RIN1: variants seen among roughly 807,000 people sequenced by gnomAD.
RIN1 encodes ras inhibitor 1.
Under a neutral mutation model 64.9 loss-of-function variants are expected in RIN1, and 52 were observed. The observed-to-expected ratio is 0.80, with a 90% CI of 0.64 to 1.01. The LOEUF is 1.01. Among genes scored for constraint, RIN1 ranks in the 50% least tolerant of loss-of-function variants. The probability of loss-of-function intolerance (pLI) is 0.00; values close to 1 mark genes in which losing one functional copy is unlikely to be tolerated. For missense variants in RIN1, 1,040 were observed against 1,064.5 expected (o/e 0.98, Z 0.32); for synonymous variants, 486 against 483.6 (o/e 1.00, Z -0.06).
rs370951169 is a variant in RIN1 at position 66,334,479 on chromosome 11, G to C, written c.1285+35C>G. 14 of 1,588,416 alleles carry C rather than the reference G, an allele frequency of 8.8e-6. No homozygotes were observed. In the African/African-American group the frequency reaches 1.6e-4, roughly 18 times the overall value. ...TGGAGGGGAGCAGAGGGTCGGATGG[G>C]GCAGTGCTGGAGCTATGGAGAGACG... On this transcript the variant is annotated intron_variant, in intron 6 of 9. Transcript: ENST00000311320.
At chr11:66,333,760 A>T (rs1490295629) in intron 7 of RIN1, 102 bp from the exon 8 acceptor site, 1 of 1,481,612 alleles carries the variant, frequency 6.7e-7, no homozygotes, top group Non-Finnish European at 9.0e-7. Flanking sequence ...TTCAGAAAGG[A>T]TGCGCTCCTC....
rs1854859938 is a variant in RIN1, at chr11:66,335,442, T to A, written c.512A>T (p.His171Leu). 1 of 1,613,148 alleles carries A rather than the reference T, an allele frequency of 6.2e-7. No homozygotes were observed. The highest frequency in any genetic ancestry group is 1.1e-5 in the South Asian group (1 of 91,036). Residue 171 changes from histidine (H) to leucine (L), a missense_variant, in exon 5 of 10, where the codon CAC (histidine) becomes CTC (leucine). Coordinates refer to ENST00000311320, the MANE Select transcript of RIN1 (RefSeq NM_004292.3). ...ATGGGAGATGGCCTCCAGCTCTTTG[T>A]GAGTGGCTGCGTGGTGGATGGCTCT... ...LPRAIHHAAT[H>L]KELEAISHLG... is the part of the protein sequence containing the mutation.
Position 66,336,007 on chromosome 11 carries a change from G to T in RIN1, c.238C>A (p.Leu80Met). The change falls in exon 2 of 10, where the codon CTG becomes ATG. Residue 80 changes from leucine (L) to methionine (M), a missense_variant. By Grantham distance (15) the Leu-to-Met change is conservative. Transcript: ENST00000311320. ...LQLQANAAAA[L>M]HMLRTEPPGT... ...GGGGGCTCGGTCCTCAGCATGTGCAGTGCGGCCGCTGCGTTGGCTTGCAGC... is the reference window on the plus strand; with the variant it reads ...GGGGGCTCGGTCCTCAGCATGTGCATTGCGGCCGCTGCGTTGGCTTGCAGC... 1 of 1,471,246 alleles carries T rather than the reference G, an allele frequency of 6.8e-7. No individual in the cohort carries two copies. 91.1% of individuals were successfully genotyped at this position (1,471,246 alleles called of 1,614,324 possible).
At chr11:66,332,814 A>C in intron 9 of RIN1, 62 bp from the exon 10 acceptor site, 1 of 1,249,586 alleles carries the variant, frequency 8.0e-7, no homozygotes, top group Non-Finnish European at 1.1e-6. Flanking sequence ...CTGGCTCCAA[A>C]GCTGAGACAT....
In RIN1 at chr11:66,334,676, G is replaced by A. The variant is rs1180529588; in HGVS notation, c.1123C>T (p.Arg375Ter). The change falls in exon 6 of 10, where the codon CGA (arginine) becomes TGA (stop). Residue 375 changes from arginine (R) to a stop codon, truncating the protein, a stop_gained. Coordinates refer to ENST00000311320, the MANE Select transcript of RIN1 (RefSeq NM_004292.3). LOFTEE classifies it high-confidence loss of function. The part of the protein sequence containing the change: ...GRAAAALMQD[R>*]HTAAGQLVQD... The stretch of plus-strand genomic sequence containing the variant: ...ACCAGCTGGCCCGCGGCTGTGTGTC[G>A]GTCCTGCATCAGTGCTGCCGCAGCC... The A allele has an allele frequency of 3.1e-5, 48 of 1,556,292 alleles. No individual in the cohort carries two copies. Among genetic ancestry groups the A allele is most frequent in the Non-Finnish European group, 3.8e-5 (44 of 1,152,420 alleles).
At chr11:66,332,930 C>T (rs932198260) in intron 9 of RIN1, 178 bp from the exon 10 acceptor site, 1 of 622,478 alleles carries the variant, frequency 1.6e-6, no homozygotes, top group African/African-American at 1.8e-5. Flanking sequence ...TGGGCCACAG[C>T]CGCAGGTGCA....
chr11:66,334,012 G>A lies in RIN1; in HGVS notation c.1498C>T (p.Leu500=), dbSNP rs1398143833. 6.4e-7 allele frequency: 1 copy of A among 1,569,368 alleles called. No individual in the cohort carries two copies. Among genetic ancestry groups the A allele is most frequent in the African/African-American group, 1.3e-5 (1 of 74,488 alleles). The change falls in exon 7 of 10, where the codon CTG becomes TTG. Residue 500 remains leucine, a synonymous_variant. Transcript: ENST00000311320. The part of the protein sequence containing the change: ...VELEQVRQKL[L]QLLRTYSPSA... ...GGTGAGTAGGTGCGGAGCAGCTGCA[G>A]CAGCTTCTGGCGCACTTGCTCCAAC...
intron 9 of RIN1, 132 bp from the exon 10 acceptor site, chr11:66,332,884 G>T (rs1854771978): frequency 1.4e-6 from 1 of 736,320 alleles, no homozygotes; most frequent in Admixed American, 2.8e-5. Flanking sequence ...GGAGAACCAA[G>T]CGGCAAAAGC....
In RIN1 at chr11:66,331,941, C is replaced by A; in HGVS notation, c.*335G>T. ...CCCATGAGGGGAAGGGTAAAAGGAG[C>A]TGAGACCGTCACCCTCCCCACGTCA... is the stretch of plus-strand genomic sequence containing the variant. On this transcript the variant is annotated 3_prime_UTR_variant, in exon 10 of 10. Transcript: ENST00000311320. The A allele has an allele frequency of 2.7e-6, 1 of 375,450 alleles. No homozygotes were observed. The highest frequency in any genetic ancestry group is 4.9e-6 in the Non-Finnish European group (1 of 202,832). 23.3% of individuals were successfully genotyped at this position (375,450 alleles called of 1,614,324 possible).
rs771695418 is a variant in RIN1, at chr11:66,332,319, G to T, written c.2309C>A (p.Pro770Gln). 2.2e-5 allele frequency: 35 copies of T among 1,614,150 alleles called. No individual in the cohort carries two copies. The East Asian group carries it at 7.4e-4, about 34-fold the overall frequency. Residue 770 changes from proline to glutamine, a missense_variant, in exon 10 of 10, where the codon CCA (proline) becomes CAA (glutamine). Transcript: ENST00000311320. Reference protein sequence around the residue: ...QGQAQEGPAQPGEPEAEGSRA... With the variant: ...QGQAQEGPAQQGEPEAEGSRA... ...GCTTCCCTCTGCCTCTGGTTCCCCT[G>T]GCTGAGCAGGGCCTTCCTGGGCTTG...
At chr11:66,336,632 C>T (rs1854912699), upstream of RIN1, 3 of 516,746 alleles carry the variant, frequency 5.8e-6, no homozygotes, top group Admixed American at 3.4e-5. Flanking sequence ...TGGGGGATGC[C>T]ACCTCCACAC....
In RIN1 at chr11:66,332,217, A is replaced by C. The variant is rs771655835; in HGVS notation, c.*59T>G. 1.1e-5 allele frequency: 16 copies of C among 1,517,752 alleles called. No individual in the cohort carries two copies. Among genetic ancestry groups the C allele is most frequent in the Non-Finnish European group, 1.2e-5 (13 of 1,097,196 alleles). 94.0% of individuals were successfully genotyped at this position (1,517,752 alleles called of 1,614,324 possible). A position where few individuals can be genotyped will look rare whatever the true frequency, so the allele number is the denominator to read the frequency against. Reference sequence around the variant, plus strand: ...CTGGGTGGGGCTTGCTGGCGCTAAAAGGATTTCTCAGCAGGCTCAGGGTCT... The same window carrying C: ...CTGGGTGGGGCTTGCTGGCGCTAAACGGATTTCTCAGCAGGCTCAGGGTCT... On this transcript the variant is annotated 3_prime_UTR_variant, in exon 10 of 10. Transcript: ENST00000311320.
Position 66,335,610 on chromosome 11 carries a change from C to A in RIN1, c.455G>T (p.Arg152Leu). 1 of 1,613,522 alleles carries A rather than the reference C, an allele frequency of 6.2e-7. No individual in the cohort carries two copies. Among genetic ancestry groups the A allele is most frequent in the South Asian group, 1.1e-5 (1 of 90,942 alleles). The change falls in exon 4 of 10, where the codon CGG becomes CTG. Residue 152 changes from arginine to leucine, a missense_variant and splice_region_variant. By Grantham distance (102) the Arg-to-Leu change is moderately radical (BLOSUM62 -2). Coordinates refer to ENST00000311320, the MANE Select transcript of RIN1 (RefSeq NM_004292.3). ...VQLICAYCHT[R>L]DILLLPLQLP... The stretch of plus-strand genomic sequence containing the variant: ...CCAGGCACCCTGCGGGCAGACTCAC[C>A]GGGTGTGGCAGTAGGCACAGATGAG...
rs763712542 is a variant in RIN1 at position 66,336,011 on chromosome 11, G to A, written c.234C>T (p.Ala78=). The change falls in exon 2 of 10, where the codon GCC becomes GCT. Residue 78 remains alanine, a synonymous_variant. Transcript: ENST00000311320. ...GCTCGGTCCTCAGCATGTGCAGTGC[G>A]GCCGCTGCGTTGGCTTGCAGCTGCA... ...VWLQLQANAA[A]ALHMLRTEPP... is the part of the protein sequence containing the mutation. 101 of 1,468,358 alleles carry A rather than the reference G, an allele frequency of 6.9e-5. No homozygotes were observed. The Middle Eastern group carries it at 7.2e-4, about 11-fold the overall frequency. 91.0% of individuals were successfully genotyped at this position (1,468,358 alleles called of 1,614,324 possible).
rs774981744 is a variant in RIN1, at chr11:66,333,428, G to A, written c.1724-19C>T. 1.2e-6 allele frequency: 2 copies of A among 1,604,892 alleles called. No individual in the cohort carries two copies. The highest frequency in any genetic ancestry group is 1.7e-5 in the Admixed American group (1 of 59,372). On this transcript the variant is annotated intron_variant, in intron 8 of 9. Coordinates refer to ENST00000311320, the MANE Select transcript of RIN1 (RefSeq NM_004292.3). ...TAGCCACCTGGGACACAGGGTGGAA[G>A]AACACGGCTCAGGCTGGGTGTGGGG...
In RIN1 at chr11:66,333,605, G is replaced by A; in HGVS notation, c.1645C>T (p.His549Tyr). The A allele has an allele frequency of 6.2e-7, 1 of 1,613,240 alleles. No individual in the cohort carries two copies. The highest frequency in any genetic ancestry group is 1.1e-5 in the South Asian group (1 of 91,024). The change falls in exon 8 of 10, where the codon CAC becomes TAC. Residue 549 changes from histidine to tyrosine, a missense_variant. Coordinates refer to ENST00000311320, the MANE Select transcript of RIN1 (RefSeq NM_004292.3). Reference sequence around the variant, plus strand: ...AGCAGCAGCTCAGGAAGGTCACAGTGGGCCAAGACGAGGCTCAGCAGAGGC... The same window carrying A: ...AGCAGCAGCTCAGGAAGGTCACAGTAGGCCAAGACGAGGCTCAGCAGAGGC... ...FLPLLSLVLA[H>Y]CDLPELLLEA...
chr11:66,335,436 T>C lies in RIN1; in HGVS notation c.518A>G (p.Glu173Gly). ...GCCCAGATGGGAGATGGCCTCCAGC[T>C]CTTTGTGAGTGGCTGCGTGGTGGAT... ...RAIHHAATHK[E>G]LEAISHLGIE... is the part of the protein sequence containing the mutation. The change falls in exon 5 of 10, where the codon GAG becomes GGG. Residue 173 changes from glutamate (E) to glycine (G), a missense_variant. Transcript: ENST00000311320. 2 of 1,613,220 alleles carry C rather than the reference T, an allele frequency of 1.2e-6. No homozygotes were observed. Among genetic ancestry groups the C allele is most frequent in the Non-Finnish European group, 1.7e-6 (2 of 1,179,390 alleles).
Position 66,332,301 on chromosome 11 carries a change from T to C in RIN1, c.2327A>G (p.Glu776Gly), listed in dbSNP as rs1854752585. The C allele has an allele frequency of 1.9e-6, 3 of 1,614,116 alleles. No homozygotes were observed. The highest frequency in any genetic ancestry group is 2.5e-6 in the Non-Finnish European group (3 of 1,180,034). ...CTACTCCTCTGCTGCCCGGCTTCCCTCTGCCTCTGGTTCCCCTGGCTGAGC... is the reference window on the plus strand; with the variant it reads ...CTACTCCTCTGCTGCCCGGCTTCCCCCTGCCTCTGGTTCCCCTGGCTGAGC... ...GPAQPGEPEAEGSRAAEE is the reference protein window; with the variant it reads ...GPAQPGEPEAGGSRAAEE The change falls in exon 10 of 10, where the codon GAG (glutamate) becomes GGG (glycine). Residue 776 changes from glutamate (E) to glycine (G), a missense_variant. Transcript: ENST00000311320.
chr11:66,335,684 TGAGA>T lies in RIN1; in HGVS notation c.383-6_383-3del, dbSNP rs754151408. The T allele has an allele frequency of 7.4e-6, 12 of 1,613,274 alleles. No individual in the cohort carries two copies. The highest frequency in any genetic ancestry group is 2.2e-5 in the East Asian group (1 of 44,828). Reference sequence around the variant, plus strand: ...GCTCCGAGCCCTCCAAGGAGACGCCTGAGAGAGGAGGGAAGTGAGGTGCTTCTCT... The same window carrying T: ...GCTCCGAGCCCTCCAAGGAGACGCCTGAGGAGGGAAGTGAGGTGCTTCTCT... On this transcript the variant is annotated splice_polypyrimidine_tract_variant and splice_region_variant and intron_variant, in intron 3 of 9. Coordinates refer to ENST00000311320, the MANE Select transcript of RIN1 (RefSeq NM_004292.3).
Sources: gnomAD v4.1 joint callset for allele counts on GRCh38, gnomAD v4.1.1 for gene constraint, MANE v1.5 for transcripts, NCBI Gene and HGNC (gene_info 2026-07-23, HGNC 2026-07-21) for gene names.